CHLSN: variants seen among roughly 807,000 people sequenced by gnomAD.
CHLSN encodes cholesin, also known as protein cholesin.
chr7:1,005,506 G>C, the CHLSN span, among the ~76,000 whole-genome samples: 1 of 152,238 alleles, frequency 6.6e-6, no homozygotes, highest in Non-Finnish European at 1.5e-5. Context: ...CAGGGGCCGG[G>C]TCTCATGGGT....
chr7:1,063,711 G>A, the CHLSN span, among the ~76,000 whole-genome samples: 1 of 152,242 alleles, frequency 6.6e-6, no homozygotes, highest in Admixed American at 6.5e-5. Context: ...GGAGGATTAA[G>A]GCATTTCCCA....
the CHLSN span, chr7:997,866 G>T: frequency 6.9e-7 from 1 of 1,459,268 alleles, no homozygotes. Flanking sequence ...TGAACAGCAG[G>T]AGACAAGACG....
the CHLSN span, among the ~76,000 whole-genome samples, chr7:1,012,869 A>G: frequency 6.6e-6 from 1 of 152,064 alleles, no homozygotes. Context: ...CGGCCGCCCT[A>G]TGCTCGCGCT....
chr7:1,001,133 A>T, the CHLSN span, among the ~76,000 whole-genome samples: 1 of 152,122 alleles, frequency 6.6e-6, no homozygotes, highest in Admixed American at 6.5e-5. Context: ...CGCTGTGGGT[A>T]GGGCAGGGCC....
chr7:1,131,457 C>T, the CHLSN span, among the ~76,000 whole-genome samples: 1 of 152,208 alleles, frequency 6.6e-6, no homozygotes, highest in Admixed American at 6.5e-5. Context: ...TTCCCCCCAT[C>T]CCACTCGGGG....
At chr7:1,067,208 G>T in the CHLSN span, among the ~76,000 whole-genome samples, 1 of 146,946 alleles carries the variant, frequency 6.8e-6, no homozygotes, top group South Asian at 2.2e-4. Context: ...TCTTCACACA[G>T]GCTGGAGTGC....
chr7:1,064,620 C>T, the CHLSN span, among the ~76,000 whole-genome samples: 5 of 152,196 alleles, frequency 3.3e-5, no homozygotes, highest in East Asian at 1.9e-4. Flanking sequence ...TGAAAGGCAC[C>T]GGCAGACAAA....
chr7:1,138,218 C>A, the CHLSN span: 1 of 146,726 alleles, frequency 6.8e-6, no homozygotes, highest in Non-Finnish European at 1.5e-5. Flanking sequence ...CGTCGCCCAC[C>A]TAAGCGTGAA....
the CHLSN span, among the ~76,000 whole-genome samples, chr7:1,035,252 A>G: frequency 6.6e-6 from 1 of 150,986 alleles, no homozygotes; most frequent in Non-Finnish European, 1.5e-5. Context: ...GGCTGGTGTC[A>G]TGTCTTTGCT....
chr7:1,045,479 C>CA, the CHLSN span: 2 of 152,360 alleles, frequency 1.3e-5, no homozygotes, highest in East Asian at 3.9e-4. Flanking sequence ...CATTCAATAA[C>CA]AGAGGGCCAA....
the CHLSN span, chr7:983,154 A>G: frequency 7.2e-7 from 1 of 1,382,796 alleles, no homozygotes; most frequent in South Asian, 1.6e-5. Context: ...GGAGGCCTAT[A>G]AGGGTGCGGG....
chr7:1,004,095 G>T, the CHLSN span, among the ~76,000 whole-genome samples: 1 of 152,030 alleles, frequency 6.6e-6, no homozygotes, highest in South Asian at 2.1e-4. Flanking sequence ...GTGCAGTGAC[G>T]CAGGGCTCCT....
chr7:1,068,701 A>G, the CHLSN span, among the ~76,000 whole-genome samples: 3 of 152,138 alleles, frequency 2.0e-5, no homozygotes, highest in Non-Finnish European at 1.5e-5. Flanking sequence ...GTCTATGACG[A>G]AAGTTTTACT....
chr7:1,085,731 G>A, the CHLSN span, among the ~76,000 whole-genome samples: 1 of 151,746 alleles, frequency 6.6e-6, no homozygotes, highest in Admixed American at 6.6e-5. Flanking sequence ...CTACTCAGGG[G>A]CCGGGGTGGG....
chr7:1,068,465 C>T, the CHLSN span, among the ~76,000 whole-genome samples: 1 of 152,146 alleles, frequency 6.6e-6, no homozygotes, highest in Non-Finnish European at 1.5e-5. Context: ...GGTGTGGACA[C>T]TCGCCCTCCA....
chr7:1,019,581 C>T, the CHLSN span, among the ~76,000 whole-genome samples: 319 of 152,348 alleles, frequency 2.1e-3, 3 homozygotes, highest in Middle Eastern at 0.01. Flanking sequence ...AACCACAGAG[C>T]GGAGGTGGCC....
the CHLSN span, among the ~76,000 whole-genome samples, chr7:1,098,986 C>T: frequency 5.3e-5 from 8 of 152,264 alleles, no homozygotes; most frequent in Non-Finnish European, 1.2e-4. Context: ...ATGTAAATTA[C>T]ATCTCAGTAA....
At chr7:1,085,737 G>T in the CHLSN span, among the ~76,000 whole-genome samples, 355 of 151,908 alleles carry the variant, frequency 2.3e-3, 1 homozygote, top group Non-Finnish European at 4.3e-3. Flanking sequence ...AGGGGCCGGG[G>T]TGGGAGGATG....
chr7:1,091,158 C>T, the CHLSN span, among the ~76,000 whole-genome samples: 38 of 152,216 alleles, frequency 2.5e-4, no homozygotes, highest in African/African-American at 8.7e-4. Context: ...GAGTGACTCA[C>T]GTCCAGCCTC....
Sources: allele counts gnomAD v4.1 joint callset (sites outside exome capture counted in the v4.1 genomes callset), GRCh38; gene constraint gnomAD v4.1.1; transcripts MANE v1.5; gene names NCBI Gene and HGNC (gene_info 2026-07-23, HGNC 2026-07-21).